GALNS: variants seen among roughly 807,000 people sequenced by gnomAD.
GALNS encodes the protein N-acetylgalactosamine-6-sulfatase.
GALNS carries 65 observed loss-of-function variants against 65.9 expected under a neutral mutation model. The ratio of observed to expected loss-of-function variants is 0.99; its 90% CI spans 0.81 to 1.21. GALNS has a LOEUF of 1.21. Among genes scored for constraint, GALNS ranks in the 50% most tolerant of loss-of-function variants. GALNS has a pLI of 0.00. For synonymous variants in GALNS, 346 were observed against 288.9 expected (o/e 1.20, Z -2.00); for missense variants, 776 against 700.7 (o/e 1.11, Z -1.21).
intron 7 of GALNS, 79 bp downstream of exon 7, chr16:88,835,646 G>T (rs919587372): frequency 1.1e-5 from 18 of 1,599,646 alleles, no homozygotes; most frequent in Non-Finnish European, 1.5e-5. Flanking sequence ...AAATGCCACG[G>T]TACTGAGTGT....
chr16:88,824,566 G>T (rs7202211), intron 11 of GALNS, among the ~76,000 whole-genome samples: 2 of 152,106 alleles, frequency 1.3e-5, no homozygotes, highest in African/African-American at 4.8e-5. Flanking sequence ...GCAGGAAGAG[G>T]TCCCTCCCTC....
chr16:88,833,454 C>CCTTT (rs1555521205), intron 8 of GALNS, among the ~76,000 whole-genome samples: 6 of 141,170 alleles, frequency 4.3e-5, no homozygotes. Context: ...CTCCCATCCC[C>CCTTT]TTTTTTTTTT....
At chr16:88,826,009 G>T (rs1005854435) in intron 10 of GALNS, among the ~76,000 whole-genome samples, 6 of 152,158 alleles carry the variant, frequency 3.9e-5, no homozygotes, top group African/African-American at 1.4e-4. Flanking sequence ...ATGGACTTTG[G>T]ACACTAAGGA....
chr16:88,835,399 C>A (rs1395430245), intron 7 of GALNS, 47 bp from the exon 8 acceptor site: 2 of 1,610,182 alleles, frequency 1.2e-6, no homozygotes, highest in Non-Finnish European at 1.7e-6. Context: ...AGGATGGTGA[C>A]AAATGGATCA....
intron 1 of GALNS, chr16:88,855,532 A>G (rs990365574): frequency 1.4e-6 from 1 of 702,238 alleles, no homozygotes. Context: ...ACTGCACACA[A>G]ATAAGACATA....
intron 1 of GALNS, among the ~76,000 whole-genome samples, chr16:88,851,054 C>A (rs1158432852): frequency 3.5e-5 from 5 of 142,752 alleles, no homozygotes; most frequent in Non-Finnish European, 7.9e-5. Flanking sequence ...GGCTGCTGGG[C>A]CAGCTCTCAT....
intron 1 of GALNS, chr16:88,843,155 C>A (rs1967066551): frequency 7.1e-7 from 1 of 1,410,742 alleles, no homozygotes; most frequent in Non-Finnish European, 9.4e-7. Flanking sequence ...CAGCCTGACA[C>A]CAGCATCTGC....
At chr16:88,848,673 T>C (rs1032083738) in intron 1 of GALNS, among the ~76,000 whole-genome samples, 1 of 151,860 alleles carries the variant, frequency 6.6e-6, no homozygotes, top group African/African-American at 2.4e-5. Context: ...TTTGACTCGC[T>C]GGGTCCTGGT....
intron 1 of GALNS, among the ~76,000 whole-genome samples, chr16:88,848,989 T>A (rs559187): frequency 6.6e-6 from 1 of 152,294 alleles, no homozygotes; most frequent in South Asian, 2.1e-4. Context: ...GGCCGCTCCT[T>A]GCCTCAGCCC....
chr16:88,818,709 A>G (rs1299234749), intron 12 of GALNS, among the ~76,000 whole-genome samples: 1 of 152,242 alleles, frequency 6.6e-6, no homozygotes, highest in Non-Finnish European at 1.5e-5. Context: ...TCTTGGGTCC[A>G]CGGCGCCGTC....
Position 88,835,327 on chromosome 16 carries a change from C to T in GALNS, c.784G>A (p.Asp262Asn). The T allele has an allele frequency of 6.2e-7, 1 of 1,613,766 alleles. No homozygotes were observed. The highest frequency in any genetic ancestry group is 8.5e-7 in the Non-Finnish European group (1 of 1,179,892). The change falls in exon 8 of 14, where the codon GAT becomes AAT. Residue 262 changes from aspartate to asparagine, a missense_variant. Physicochemically the swap from Asp to Asn is conservative, Grantham distance 23. Transcript: ENST00000268695. ...TCCAGTATCTTCCCAATGCTGTCAT[C>T]AATCTCCCGGACGGCGTCTCCATAC... is the stretch of plus-strand genomic sequence containing the variant. ...GRYGDAVREI[D>N]DSIGKILELL...
chr16:88,840,710 G>C (rs1966924433), intron 4 of GALNS: 1 of 479,398 alleles, frequency 2.1e-6, no homozygotes, highest in Admixed American at 3.3e-5. Context: ...GGTGGCGGGT[G>C]CTAGGGGCTG....
chr16:88,824,898 A>C (rs370668932), intron 10 of GALNS, 29 bp from the exon 11 acceptor site: 219 of 1,601,048 alleles, frequency 1.4e-4, no homozygotes, highest in Non-Finnish European at 1.7e-4. Flanking sequence ...GGACCATGTA[A>C]TGACAGGAAG....
intron 1 of GALNS, chr16:88,855,717 G>C: frequency 1.7e-6 from 1 of 582,532 alleles, no homozygotes; most frequent in South Asian, 2.1e-5. Flanking sequence ...TTCTAAATCT[G>C]TGTATTTTAC....
intron 1 of GALNS, among the ~76,000 whole-genome samples, chr16:88,849,865 G>A (rs1342129356): frequency 2.0e-5 from 3 of 152,242 alleles, no homozygotes; most frequent in Non-Finnish European, 2.9e-5. Context: ...CAGGACGCCC[G>A]CAGAGCTGCT....
intron 13 of GALNS, chr16:88,815,791 T>C: frequency 1.0e-6 from 1 of 985,306 alleles, no homozygotes; most frequent in South Asian, 4.7e-5. Context: ...AGGAGTGGGT[T>C]TGGGTGAGGA....
intron 10 of GALNS, among the ~76,000 whole-genome samples, chr16:88,825,919 C>A (rs963405529): frequency 1.3e-5 from 2 of 152,162 alleles, no homozygotes; most frequent in Non-Finnish European, 2.9e-5. Flanking sequence ...TCCCGTTGAG[C>A]CTTTGGAATC....
chr16:88,843,376 C>T (rs1489598724), intron 1 of GALNS: 17 of 458,068 alleles, frequency 3.7e-5, no homozygotes, highest in Non-Finnish European at 4.9e-5. Context: ...CGCAGGCCTG[C>T]ATACGAGCGT....
intron 1 of GALNS, among the ~76,000 whole-genome samples, chr16:88,851,999 G>C (rs1967529102): frequency 6.6e-6 from 1 of 152,240 alleles, no homozygotes; most frequent in Non-Finnish European, 1.5e-5. Flanking sequence ...GCTCTGAAGA[G>C]AGCAGTGGTT....
Sources: gnomAD v4.1 joint callset for allele counts (sites outside exome capture counted in the v4.1 genomes callset) on GRCh38, gnomAD v4.1.1 for gene constraint, MANE v1.5 for transcripts, NCBI Gene and HGNC (gene_info 2026-07-23, HGNC 2026-07-21) for gene names.